Variants in SLC24A2 observed in about 807,000 individuals in gnomAD.
SLC24A2 encodes sodium/potassium/calcium exchanger 2.
In SLC24A2, 36 loss-of-function variants were observed where a neutral mutation model predicts 62.0. That is an observed-to-expected ratio of 0.58 (90% CI 0.44 to 0.77). The LOEUF (loss-of-function observed/expected upper bound fraction) is 0.77, where lower values mean the gene tolerates loss of function less well. Among genes scored for constraint, SLC24A2 ranks in the 30% least tolerant of loss-of-function variants. SLC24A2 has a pLI of 0.00. For missense variants in SLC24A2, 846 were observed against 817.9 expected (o/e 1.03, Z -0.42); for synonymous variants, 358 against 294.0 (o/e 1.22, Z -2.23).
chr9:20,049,424 A>T, the SLC24A2 span, among the ~76,000 whole-genome samples: 1 of 152,146 alleles, frequency 6.6e-6, no homozygotes, highest in Non-Finnish European at 1.5e-5. Context: ...ATAGTATACT[A>T]AACTAAATAG....
chr9:19,963,084 C>A, the SLC24A2 span, among the ~76,000 whole-genome samples: 1 of 151,986 alleles, frequency 6.6e-6, no homozygotes, highest in Non-Finnish European at 1.5e-5. Context: ...ACTATCTGAT[C>A]TTTGACAAAC....
At chr9:20,148,834 C>G in the SLC24A2 span, among the ~76,000 whole-genome samples, 1 of 152,082 alleles carries the variant, frequency 6.6e-6, no homozygotes, top group Admixed American at 6.6e-5. Flanking sequence ...GAAAACCCCA[C>G]ATGGCACAGC....
rs987130322 is a variant in SLC24A2 at position 19,511,171 on chromosome 9, C to T, written c.*4982G>A. ...AGCTCCTGGTGAAAAAGGAATATTG[C>T]CATGGTGTAATCATAAGTAATAGAG... On this transcript the variant is annotated 3_prime_UTR_variant, in exon 11 of 11. Coordinates refer to ENST00000341998, the MANE Select transcript of SLC24A2 (RefSeq NM_020344.4). 6.6e-6 allele frequency: 1 copy of T among 152,058 alleles called. No individual in the cohort carries two copies. Among genetic ancestry groups the T allele is most frequent in the South Asian group, 2.1e-4 (1 of 4,818 alleles). The allele number at this position is 152,058 out of a possible 1,614,324, so 9.4% of individuals were successfully genotyped here. A position where few individuals can be genotyped will look rare whatever the true frequency, so the allele number is the denominator to read the frequency against.
At chr9:20,007,728 A>G in the SLC24A2 span, among the ~76,000 whole-genome samples, 1 of 151,976 alleles carries the variant, frequency 6.6e-6, no homozygotes, top group African/African-American at 2.4e-5. Context: ...AGTTATTTAA[A>G]ATAGAATTAG....
chr9:20,079,281 A>C, the SLC24A2 span, among the ~76,000 whole-genome samples: 103 of 152,318 alleles, frequency 6.8e-4, no homozygotes, highest in African/African-American at 2.4e-3. Context: ...GCTTTAAGCC[A>C]CAAAATTTAT....
chr9:20,245,361 A>T, the SLC24A2 span, among the ~76,000 whole-genome samples: 11 of 152,354 alleles, frequency 7.2e-5, no homozygotes, highest in Non-Finnish European at 1.6e-4. Flanking sequence ...TATTGGTGAG[A>T]CAAGACAGGT....
the SLC24A2 span, among the ~76,000 whole-genome samples, chr9:19,865,554 C>G: frequency 1.9e-3 from 285 of 152,232 alleles, 2 homozygotes; most frequent in Non-Finnish European, 3.1e-3. Flanking sequence ...TACATACCTA[C>G]AGTGAACTCC....
the SLC24A2 span, among the ~76,000 whole-genome samples, chr9:19,812,998 G>C: frequency 6.6e-6 from 1 of 152,160 alleles, no homozygotes. Context: ...TTTTCCAGAG[G>C]CTTTCTACTT....
chr9:19,946,605 A>G, the SLC24A2 span, among the ~76,000 whole-genome samples: 1 of 152,240 alleles, frequency 6.6e-6, no homozygotes, highest in Non-Finnish European at 1.5e-5. Flanking sequence ...AGACCAGGTC[A>G]TCTCCTGAGT....
chr9:19,995,097 T>C, the SLC24A2 span, among the ~76,000 whole-genome samples: 1 of 149,302 alleles, frequency 6.7e-6, no homozygotes, highest in African/African-American at 2.5e-5. Flanking sequence ...TTTTTCTCCA[T>C]AGAAGGATAA....
At chr9:20,238,667 G>A in the SLC24A2 span, among the ~76,000 whole-genome samples, 3 of 152,178 alleles carry the variant, frequency 2.0e-5, no homozygotes, top group Non-Finnish European at 4.4e-5. Flanking sequence ...GAGGGGCCTT[G>A]TTTGCATGCT....
intron 8 of SLC24A2, among the ~76,000 whole-genome samples, chr9:19,547,658 G>A (rs1445182389): frequency 6.6e-6 from 1 of 151,500 alleles, no homozygotes; most frequent in Non-Finnish European, 1.5e-5. Flanking sequence ...ACATCTTCCT[G>A]AGTGCCTCAA....
Position 19,515,653 on chromosome 9 carries a change from T to C in SLC24A2, c.*500A>G, listed in dbSNP as rs1478719464. 1 of 152,296 alleles carries C rather than the reference T, an allele frequency of 6.6e-6. No homozygotes were observed. Among genetic ancestry groups the C allele is most frequent in the Non-Finnish European group, 1.5e-5 (1 of 68,274 alleles). The allele number at this position is 152,296 out of a possible 1,614,324, so 9.4% of individuals were successfully genotyped here. Reference sequence around the variant, plus strand: ...AAGTACTATAAATATACTAGAGCTATCCCTGAAAAGATGCATTTGTACTTT... The same window carrying C: ...AAGTACTATAAATATACTAGAGCTACCCCTGAAAAGATGCATTTGTACTTT... On this transcript the variant is annotated 3_prime_UTR_variant, in exon 11 of 11. Coordinates refer to ENST00000341998, the MANE Select transcript of SLC24A2 (RefSeq NM_020344.4).
intron 2 of SLC24A2, among the ~76,000 whole-genome samples, chr9:19,715,899 T>A (rs1410174705): frequency 6.6e-6 from 1 of 152,238 alleles, no homozygotes; most frequent in Non-Finnish European, 1.5e-5. Context: ...TCTTTTGAGT[T>A]GCAGTTGTTT....
the SLC24A2 span, among the ~76,000 whole-genome samples, chr9:20,292,944 C>T: frequency 2.0e-5 from 3 of 152,320 alleles, no homozygotes; most frequent in East Asian, 5.8e-4. Context: ...TCAGCAGGGC[C>T]AGGCCTTCTC....
chr9:19,851,114 C>T, the SLC24A2 span, among the ~76,000 whole-genome samples: 1 of 143,562 alleles, frequency 7.0e-6, no homozygotes, highest in Non-Finnish European at 1.5e-5. Context: ...ATCTCTATCT[C>T]CTGGGTTCAA....
At chr9:19,536,100 G>A (rs1175124412) in intron 8 of SLC24A2, among the ~76,000 whole-genome samples, 1 of 149,014 alleles carries the variant, frequency 6.7e-6, no homozygotes, top group Admixed American at 6.7e-5. Flanking sequence ...TCTCTTTGTA[G>A]CAGTTGTGAA....
At chr9:20,242,937 T>G in the SLC24A2 span, among the ~76,000 whole-genome samples, 2 of 152,084 alleles carry the variant, frequency 1.3e-5, no homozygotes, top group East Asian at 3.9e-4. Flanking sequence ...TGGGTGGTGG[T>G]TAAATAACCA....
intron 10 of SLC24A2, among the ~76,000 whole-genome samples, chr9:19,520,363 A>C (rs1317408883): frequency 6.6e-6 from 1 of 152,206 alleles, no homozygotes; most frequent in Non-Finnish European, 1.5e-5. Flanking sequence ...GCTTCATTAT[A>C]AGAACAGGTC....
Sources: gnomAD v4.1 joint callset for allele counts (sites outside exome capture counted in the v4.1 genomes callset) on GRCh38, gnomAD v4.1.1 for gene constraint, MANE v1.5 for transcripts, NCBI Gene and HGNC (gene_info 2026-07-23, HGNC 2026-07-21) for gene names.